Variants in SPAG16 observed in about 807,000 individuals in gnomAD.
The protein encoded by SPAG16 is sperm-associated antigen 16 protein.
A neutral mutation model predicts 80.4 loss-of-function variants in SPAG16; 86 were observed. That is an observed-to-expected ratio of 1.07 (90% CI 0.90 to 1.28). SPAG16 has a LOEUF of 1.28. Among genes scored for constraint, SPAG16 ranks in the 50% most tolerant of loss-of-function variants. The pLI, the probability that SPAG16 is intolerant of heterozygous loss-of-function variation, is 0.00. For synonymous variants in SPAG16, 294 were observed against 265.9 expected (o/e 1.11, Z -1.03); for missense variants, 870 against 765.3 (o/e 1.14, Z -1.61).
intron 15 of SPAG16, among the ~76,000 whole-genome samples, chr2:214,354,907 A>G (rs971012417): frequency 5.3e-5 from 8 of 152,166 alleles, no homozygotes; most frequent in Non-Finnish European, 8.8e-5. Flanking sequence ...GGGCTGAGAC[A>G]GTGGGGTTTT....
intron 13 of SPAG16, among the ~76,000 whole-genome samples, chr2:214,037,879 G>A (rs766782271): frequency 0.17 from 24,883 of 147,952 alleles, 2,626 homozygotes; most frequent in Middle Eastern, 0.26. Context: ...GTGTGTGTGT[G>A]TGTGTGTGTG....
chr2:213,919,033 T>C (rs1156784653), intron 11 of SPAG16, among the ~76,000 whole-genome samples: 1 of 152,156 alleles, frequency 6.6e-6, no homozygotes, highest in Non-Finnish European at 1.5e-5. Context: ...TTGGATCTTC[T>C]TTCTTCTTTA....
chr2:213,860,532 A>C (rs959454488), intron 10 of SPAG16, among the ~76,000 whole-genome samples: 2 of 142,538 alleles, frequency 1.4e-5, no homozygotes, highest in African/African-American at 5.0e-5. Context: ...CCAGTGTTAG[A>C]AAAGGAATAT....
chr2:214,280,381 T>C (rs2125912347), intron 15 of SPAG16, among the ~76,000 whole-genome samples: 1 of 152,262 alleles, frequency 6.6e-6, no homozygotes, highest in East Asian at 1.9e-4. Flanking sequence ...ATTTTAAAAC[T>C]CGTATGGAAA....
At position 214,128,920 on chromosome 2, in the gene SPAG16, G is replaced by A. The variant is rs572289532; in HGVS notation, c.1594-20220G>A. ...CTAATTACTTCCCCGCTACTAAAGC[G>A]GGGAAGTACCCCTTCTTTGTCTTCT... On this transcript the variant is annotated intron_variant, in intron 14 of 15. Coordinates refer to ENST00000331683, the MANE Select transcript of SPAG16 (RefSeq NM_024532.5). 9.0e-4 allele frequency among the ~76,000 whole-genome samples: 137 copies of A among 151,824 alleles called. 1 individual carries two copies. Among genetic ancestry groups the A allele is most frequent in the Non-Finnish European group, 1.7e-3 (114 of 67,992 alleles).
chr2:214,001,703 A>T (rs1008614817), intron 12 of SPAG16, among the ~76,000 whole-genome samples: 1 of 152,216 alleles, frequency 6.6e-6, no homozygotes, highest in East Asian at 1.9e-4. Flanking sequence ...GGTACGGATG[A>T]CAGGCATCAA....
At chr2:213,477,567 C>G (rs955608561) in intron 9 of SPAG16, among the ~76,000 whole-genome samples, 4 of 152,242 alleles carry the variant, frequency 2.6e-5, no homozygotes, top group Non-Finnish European at 5.9e-5. Flanking sequence ...GGTTTAATGA[C>G]TGCCCTGTTG....
At chr2:213,569,899 G>C (rs1417258225) in intron 10 of SPAG16, among the ~76,000 whole-genome samples, 1 of 135,112 alleles carries the variant, frequency 7.4e-6, no homozygotes, top group Non-Finnish European at 1.5e-5. Flanking sequence ...ATTGATTATT[G>C]TCACAATTTC....
chr2:214,066,743 C>T (rs1418895969), intron 13 of SPAG16, among the ~76,000 whole-genome samples: 1 of 151,942 alleles, frequency 6.6e-6, no homozygotes, highest in Non-Finnish European at 1.5e-5. Context: ...ACATAATTCT[C>T]CATATAATGG....
intron 15 of SPAG16, among the ~76,000 whole-genome samples, chr2:214,336,258 A>G (rs1225322051): frequency 6.6e-6 from 1 of 152,212 alleles, no homozygotes; most frequent in African/African-American, 2.4e-5. Flanking sequence ...ATTTGGACAA[A>G]GAAGATTCTA....
chr2:213,987,157 A>G (rs969259194), intron 12 of SPAG16, among the ~76,000 whole-genome samples: 1 of 152,086 alleles, frequency 6.6e-6, no homozygotes, highest in Non-Finnish European at 1.5e-5. Context: ...TCAGCTATTT[A>G]TTAATTCATA....
rs375508089 is a variant in SPAG16, at chr2:214,340,730, C to T, written c.1721-69410C>T. On this transcript the variant is annotated intron_variant, in intron 15 of 15. Transcript: ENST00000331683. ...GCATATATGGATTCTTTGCTTAGGG[C>T]CCTATATGGCTGTAATTAAGGTGCT... Among the ~76,000 whole-genome samples the T allele has an allele frequency of 4.6e-5, 7 of 152,220 alleles. No homozygotes were observed. The South Asian group carries it at 1.2e-3, about 27-fold the overall frequency.
rs112318673 is a variant in SPAG16 at position 213,738,005 on chromosome 2, T to A, written c.1071-124480T>A. ...CATTGAATTTCTTAAGTGTTTCTCT[T>A]CATTGTAGTTTTAAATTTTTCTCTT... On this transcript the variant is annotated intron_variant, in intron 10 of 15. Coordinates refer to ENST00000331683, the MANE Select transcript of SPAG16 (RefSeq NM_024532.5). Among the ~76,000 whole-genome samples, 1,134 of 152,330 alleles carry A rather than the reference T, an allele frequency of 7.4e-3. 10 individuals are homozygous for A. Among genetic ancestry groups the A allele is most frequent in the African/African-American group, 0.026 (1,101 of 41,578 alleles).
At chr2:213,542,386 G>A (rs1367384901) in intron 10 of SPAG16, among the ~76,000 whole-genome samples, 1 of 151,300 alleles carries the variant, frequency 6.6e-6, no homozygotes, top group Non-Finnish European at 1.5e-5. Context: ...TTTATTTTTG[G>A]GATAAAAATT....
intron 9 of SPAG16, among the ~76,000 whole-genome samples, chr2:213,394,175 A>AT (rs1349292427): frequency 5.3e-5 from 8 of 152,172 alleles, no homozygotes; most frequent in African/African-American, 1.7e-4. Flanking sequence ...CTATGTTCAT[A>AT]TCTTTTTTAG....
At chr2:213,824,229 G>A (rs1218628069) in intron 10 of SPAG16, among the ~76,000 whole-genome samples, 1 of 152,120 alleles carries the variant, frequency 6.6e-6, no homozygotes, top group Admixed American at 6.5e-5. Context: ...TTATAGATGT[G>A]TGGTGTTATT....
chr2:214,210,223 T>A (rs1041333607), intron 15 of SPAG16, among the ~76,000 whole-genome samples: 1 of 152,110 alleles, frequency 6.6e-6, no homozygotes, highest in Non-Finnish European at 1.5e-5. Flanking sequence ...ATCCTTATGA[T>A]AATTTTGAGT....
chr2:213,678,789 G>C (rs574503796), intron 10 of SPAG16, among the ~76,000 whole-genome samples: 2 of 152,258 alleles, frequency 1.3e-5, no homozygotes, highest in African/African-American at 4.8e-5. Flanking sequence ...TTGTACGCAG[G>C]CAGCACTTCC....
chr2:213,631,431 A>T (rs1293207002), intron 10 of SPAG16, among the ~76,000 whole-genome samples: 1 of 152,174 alleles, frequency 6.6e-6, no homozygotes, highest in African/African-American at 2.4e-5. Context: ...TCACATTATG[A>T]AGTGATATGG....
Sources: allele counts gnomAD v4.1 joint callset (sites outside exome capture counted in the v4.1 genomes callset), GRCh38; gene constraint gnomAD v4.1.1; transcripts MANE v1.5; gene names NCBI Gene and HGNC (gene_info 2026-07-23, HGNC 2026-07-21).